Variants in TMEM135 observed in about 807,000 individuals in gnomAD.
TMEM135 encodes transmembrane protein 135, also known as peroxisomal membrane protein 52.
Under a neutral mutation model 60.3 loss-of-function variants are expected in TMEM135, and 30 were observed. That is an observed-to-expected ratio of 0.50 (90% CI 0.37 to 0.68). TMEM135 has a LOEUF of 0.68. Among genes scored for constraint, TMEM135 ranks in the 30% least tolerant of loss-of-function variants. The pLI is 0.00. For synonymous variants in TMEM135, 190 were observed against 186.7 expected (o/e 1.02, Z -0.14); for missense variants, 468 against 548.8 (o/e 0.85, Z 1.47).
chr11:87,106,141 T>G (rs1857589734), intron 4 of TMEM135, among the ~76,000 whole-genome samples: 1 of 152,060 alleles, frequency 6.6e-6, no homozygotes, highest in African/African-American at 2.4e-5. Context: ...TCTCTCTCTG[T>G]TGCTCAGGCT....
intron 4 of TMEM135, among the ~76,000 whole-genome samples, chr11:87,110,388 G>A (rs1445039276): frequency 1.3e-5 from 2 of 151,890 alleles, no homozygotes; most frequent in Middle Eastern, 3.2e-3. Context: ...GCTTGAGCCC[G>A]AGAGTTTGAG....
intron 6 of TMEM135, among the ~76,000 whole-genome samples, chr11:87,283,479 A>G (rs924229963): frequency 2.6e-5 from 4 of 152,208 alleles, no homozygotes; most frequent in South Asian, 4.1e-4. Flanking sequence ...AGCCTGTTAT[A>G]GTTTTGAATA....
chr11:87,119,689 ACT>A (rs1339256088), intron 4 of TMEM135, among the ~76,000 whole-genome samples: 1 of 152,204 alleles, frequency 6.6e-6, no homozygotes, highest in Non-Finnish European at 1.5e-5. Context: ...TGATAGAAAG[ACT>A]CTGTCTCAAA....
intron 6 of TMEM135, among the ~76,000 whole-genome samples, chr11:87,255,100 C>T (rs2135395426): frequency 6.6e-6 from 1 of 152,142 alleles, no homozygotes; most frequent in Admixed American, 6.5e-5. Flanking sequence ...TTCTCCATTT[C>T]TCCCCCACTC....
At chr11:87,047,298 G>A (rs905209203) in intron 1 of TMEM135, among the ~76,000 whole-genome samples, 2 of 152,244 alleles carry the variant, frequency 1.3e-5, no homozygotes, top group East Asian at 3.9e-4. Context: ...AAAAAAAAGT[G>A]TATTTTGGGA....
intron 4 of TMEM135, among the ~76,000 whole-genome samples, chr11:87,149,374 C>T (rs1313458342): frequency 6.6e-6 from 1 of 152,128 alleles, no homozygotes. Context: ...GTGTCTTCGT[C>T]ATTCTCAGAG....
chr11:87,086,447 A>G (rs1427554525), intron 3 of TMEM135, among the ~76,000 whole-genome samples: 2 of 151,974 alleles, frequency 1.3e-5, no homozygotes, highest in African/African-American at 4.8e-5. Context: ...AAGAATTAGG[A>G]TATGCTGATA....
intron 5 of TMEM135, among the ~76,000 whole-genome samples, chr11:87,170,081 A>G (rs145641984): frequency 4.6e-5 from 7 of 151,228 alleles, no homozygotes; most frequent in Admixed American, 4.0e-4. Context: ...CAGTTTGGCT[A>G]TTGATATGTG....
chr11:87,320,955 G>T (rs1483439412), intron 14 of TMEM135, among the ~76,000 whole-genome samples: 1 of 151,992 alleles, frequency 6.6e-6, no homozygotes, highest in African/African-American at 2.4e-5. Context: ...TAATCTCTGC[G>T]GTTTCAGATC....
At chr11:87,202,592 C>A (rs1372704272) in intron 5 of TMEM135, among the ~76,000 whole-genome samples, 1 of 152,106 alleles carries the variant, frequency 6.6e-6, no homozygotes, top group African/African-American at 2.4e-5. Context: ...TGTTGAGAGA[C>A]AAATGGCAAA....
At chr11:87,116,090 C>G (rs1857873071) in intron 4 of TMEM135, among the ~76,000 whole-genome samples, 1 of 151,994 alleles carries the variant, frequency 6.6e-6, no homozygotes, top group Non-Finnish European at 1.5e-5. Context: ...AGTTAACATT[C>G]ATTCTGTTAC....
At chr11:87,296,649 T>G (rs1362253862) in intron 7 of TMEM135, among the ~76,000 whole-genome samples, 2 of 152,158 alleles carry the variant, frequency 1.3e-5, no homozygotes, top group Non-Finnish European at 2.9e-5. Flanking sequence ...ATTTTGAGGA[T>G]CAAATGAGTC....
At chr11:87,292,600 G>A (rs1165403347) in intron 6 of TMEM135, among the ~76,000 whole-genome samples, 1 of 102,250 alleles carries the variant, frequency 9.8e-6, no homozygotes, top group Non-Finnish European at 2.3e-5. Flanking sequence ...TTAGGTTAAT[G>A]CTCATACAAT....
intron 6 of TMEM135, among the ~76,000 whole-genome samples, 197 bp downstream of exon 6, chr11:87,236,881 G>T (rs1394176201): frequency 6.6e-6 from 1 of 151,556 alleles, no homozygotes; most frequent in Non-Finnish European, 1.5e-5. Context: ...AGGGAAGGAA[G>T]ACTTATTCTC....
chr11:87,224,140 G>C (rs368266324), intron 5 of TMEM135, among the ~76,000 whole-genome samples: 1 of 152,216 alleles, frequency 6.6e-6, no homozygotes, highest in African/African-American at 2.4e-5. Flanking sequence ...TGTGAGTAAC[G>C]TACTCATGTG....
chr11:87,039,474 T>C (rs1162180460), intron 1 of TMEM135, among the ~76,000 whole-genome samples: 3 of 152,182 alleles, frequency 2.0e-5, no homozygotes, highest in South Asian at 2.1e-4. Flanking sequence ...GTAATTGTTA[T>C]TGGAGCTGGA....
chr11:87,198,327 G>A (rs995130658), intron 5 of TMEM135, among the ~76,000 whole-genome samples: 1 of 152,094 alleles, frequency 6.6e-6, no homozygotes, highest in Non-Finnish European at 1.5e-5. Flanking sequence ...TTTGGATGGA[G>A]GGTTTTGGTA....
At chr11:87,080,756 G>A (rs1021339207) in intron 3 of TMEM135, among the ~76,000 whole-genome samples, 3 of 151,910 alleles carry the variant, frequency 2.0e-5, no homozygotes, top group Admixed American at 1.3e-4. Context: ...GCATGATGTC[G>A]GCTCACTGCA....
At chr11:87,317,163 C>A (rs2186727) in intron 12 of TMEM135, among the ~76,000 whole-genome samples, 42,903 of 151,686 alleles carry the variant, frequency 0.28, 7,060 homozygotes, top group Middle Eastern at 0.39. Flanking sequence ...TGGTTTCTGT[C>A]CTTCATTAAC....
Sources: allele counts gnomAD v4.1 joint callset (sites outside exome capture counted in the v4.1 genomes callset), GRCh38; gene constraint gnomAD v4.1.1; transcripts MANE v1.5; gene names NCBI Gene and HGNC (gene_info 2026-07-23, HGNC 2026-07-21).